PTPRD: variants seen among roughly 807,000 people sequenced by gnomAD.
The protein encoded by PTPRD is protein tyrosine phosphatase receptor type D.
In PTPRD, 34 loss-of-function variants were observed where a neutral mutation model predicts 214.5. The observed-to-expected ratio is 0.16, with a 90% CI of 0.12 to 0.21. PTPRD has a LOEUF of 0.21. Ranked by LOEUF, PTPRD falls within the 10% of genes least tolerant of loss-of-function variation. The pLI is 1.00. For synonymous variants in PTPRD, 1,128 were observed against 845.7 expected (o/e 1.33, Z -5.79); for missense variants, 2,545 against 2,398.7 (o/e 1.06, Z -1.27).
intron 14 of PTPRD, among the ~76,000 whole-genome samples, chr9:8,631,672 A>G (rs902342465): frequency 7.2e-5 from 11 of 151,768 alleles, no homozygotes; most frequent in African/African-American, 2.7e-4. Flanking sequence ...TGTTACTCTC[A>G]ACTTATTTTA....
chr9:9,190,065 T>G (rs1415130034), intron 9 of PTPRD, among the ~76,000 whole-genome samples: 4 of 152,078 alleles, frequency 2.6e-5, no homozygotes, highest in African/African-American at 9.7e-5. Flanking sequence ...TGGCTATGGT[T>G]TGAATGTGTC....
At chr9:9,858,440 T>G (rs1465609737) in intron 5 of PTPRD, among the ~76,000 whole-genome samples, 1 of 152,228 alleles carries the variant, frequency 6.6e-6, no homozygotes, top group Non-Finnish European at 1.5e-5. Context: ...TAAACAAATA[T>G]TTGGGATAGC....
intron 10 of PTPRD, among the ~76,000 whole-genome samples, chr9:9,046,737 C>A (rs1282007285): frequency 6.6e-6 from 1 of 152,108 alleles, no homozygotes; most frequent in Non-Finnish European, 1.5e-5. Context: ...GGGAAAGCAA[C>A]CATAGGCAAT....
chr9:9,688,440 G>T (rs944122741), intron 7 of PTPRD, among the ~76,000 whole-genome samples: 3 of 151,792 alleles, frequency 2.0e-5, no homozygotes, highest in Non-Finnish European at 2.9e-5. Flanking sequence ...ATATGTATTT[G>T]GTTCCTTCCC....
chr9:8,863,730 G>T (rs186949525), intron 11 of PTPRD, among the ~76,000 whole-genome samples: 2 of 152,082 alleles, frequency 1.3e-5, no homozygotes, highest in African/African-American at 4.8e-5. Flanking sequence ...GTTATATGAG[G>T]TATAAACACA....
chr9:8,504,178 T>A lies in PTPRD; in HGVS notation c.1822+83A>T, dbSNP rs149731372. On this transcript the variant is annotated intron_variant, in intron 23 of 45. Coordinates refer to ENST00000381196, the MANE Select transcript of PTPRD (RefSeq NM_002839.4). ...ACTAACTATTAAGCATATTAGCAGG[T>A]TTGCTTATTGGTGAAGGTGAAAGCT... The A allele has an allele frequency of 1.0e-5, 14 of 1,391,208 alleles. No homozygotes were observed. The African/African-American group carries it at 1.3e-4, about 13-fold the overall frequency. 86.2% of individuals were successfully genotyped at this position (1,391,208 alleles called of 1,614,324 possible). A position where few individuals can be genotyped will look rare whatever the true frequency, so the allele number is the denominator to read the frequency against.
At position 10,427,846 on chromosome 9, in the gene PTPRD, G is replaced by A. The variant is rs1019682609; in HGVS notation, c.-599-86829C>T. Among the ~76,000 whole-genome samples, 5 of 152,148 alleles carry A rather than the reference G, an allele frequency of 3.3e-5. No homozygotes were observed. The East Asian group carries it at 9.7e-4, about 30-fold the overall frequency. ...CCTACCTCCATGTGAATTATTTTAT[G>A]TATTTTAAACCCACTTAACTGATAT... On this transcript the variant is annotated intron_variant, in intron 2 of 45. Transcript: ENST00000381196.
intron 3 of PTPRD, among the ~76,000 whole-genome samples, chr9:10,063,704 G>T (rs1230086030): frequency 6.6e-6 from 1 of 151,936 alleles, no homozygotes; most frequent in African/African-American, 2.4e-5. Flanking sequence ...ATAATATTCA[G>T]ATATAGAATC....
chr9:9,839,966 T>C (rs575323499), intron 5 of PTPRD, among the ~76,000 whole-genome samples: 4 of 152,174 alleles, frequency 2.6e-5, no homozygotes, highest in Non-Finnish European at 5.9e-5. Context: ...GTACTAAAAA[T>C]AACGAAAAGT....
chr9:10,269,212 T>C (rs761259952), intron 3 of PTPRD, among the ~76,000 whole-genome samples: 3 of 152,166 alleles, frequency 2.0e-5, no homozygotes, highest in Non-Finnish European at 1.5e-5. Context: ...ATAACAACTC[T>C]TGTAAGAAGT....
chr9:8,625,552 C>A (rs1487624163), intron 14 of PTPRD, among the ~76,000 whole-genome samples: 1 of 151,444 alleles, frequency 6.6e-6, no homozygotes, highest in African/African-American at 2.4e-5. Flanking sequence ...AATATAGGAT[C>A]TCTTCTGGGA....
At chr9:9,507,949 G>T (rs1160860990) in intron 8 of PTPRD, among the ~76,000 whole-genome samples, 2 of 151,428 alleles carry the variant, frequency 1.3e-5, no homozygotes, top group African/African-American at 2.4e-5. Context: ...AGGGGAAAAT[G>T]AGCTCTTAAA....
At chr9:8,722,609 G>C (rs2098513092) in intron 12 of PTPRD, among the ~76,000 whole-genome samples, 1 of 151,754 alleles carries the variant, frequency 6.6e-6, no homozygotes, top group Non-Finnish European at 1.5e-5. Context: ...CTGTAATTTT[G>C]ACAAAATGGA....
At chr9:9,053,637 A>G (rs1002601368) in intron 10 of PTPRD, among the ~76,000 whole-genome samples, 2 of 152,180 alleles carry the variant, frequency 1.3e-5, no homozygotes, top group East Asian at 3.8e-4. Context: ...ATATTAAATT[A>G]TTAAATTTCT....
intron 8 of PTPRD, among the ~76,000 whole-genome samples, chr9:9,497,617 G>A (rs1056124665): frequency 6.6e-6 from 1 of 152,022 alleles, no homozygotes. Flanking sequence ...CCATGTCAAC[G>A]ATCACCATCT....
chr9:9,296,840 T>A (rs1401435939), intron 9 of PTPRD, among the ~76,000 whole-genome samples: 2 of 151,770 alleles, frequency 1.3e-5, no homozygotes, highest in African/African-American at 2.4e-5. Flanking sequence ...CTTTTGATTG[T>A]CCTAGAAGGA....
At chr9:9,659,869 G>C (rs1296399525) in intron 7 of PTPRD, among the ~76,000 whole-genome samples, 1 of 151,952 alleles carries the variant, frequency 6.6e-6, no homozygotes, top group African/African-American at 2.4e-5. Flanking sequence ...TTCTACTTTG[G>C]AGATGAGGAT....
intron 5 of PTPRD, among the ~76,000 whole-genome samples, chr9:9,924,101 A>G (rs1486893545): frequency 6.6e-6 from 1 of 152,210 alleles, no homozygotes; most frequent in Non-Finnish European, 1.5e-5. Context: ...ATATTTATGT[A>G]GTCATAATCA....
intron 35 of PTPRD, 44 bp from the exon 36 acceptor site, chr9:8,404,704 A>C: frequency 6.4e-7 from 1 of 1,571,796 alleles, no homozygotes; most frequent in South Asian, 1.2e-5. Flanking sequence ...CAATACTGAA[A>C]ACCACCAGAT....
Sources: gnomAD v4.1 joint callset for allele counts (sites outside exome capture counted in the v4.1 genomes callset) on GRCh38, gnomAD v4.1.1 for gene constraint, MANE v1.5 for transcripts, NCBI Gene and HGNC (gene_info 2026-07-23, HGNC 2026-07-21) for gene names.